EYS: variants seen among roughly 807,000 people sequenced by gnomAD.
EYS encodes protein eyes shut homolog.
A neutral mutation model predicts 282.1 loss-of-function variants in EYS; 250 were observed. That is an observed-to-expected ratio of 0.89 (90% confidence interval 0.80 to 0.98). EYS has a LOEUF of 0.98. Among genes scored for constraint, EYS ranks in the 50% least tolerant of loss-of-function variants. The probability of loss-of-function intolerance (pLI) is 0.00; values close to 1 mark genes in which losing one functional copy is unlikely to be tolerated. For synonymous variants in EYS, 1,355 were observed against 1,282.9 expected, an observed-to-expected ratio of 1.06 and a Z score of -1.20; for missense variants, 4,016 against 3,709.0, an observed-to-expected ratio of 1.08 and a Z score of -2.15.
intron 31 of EYS, among the ~76,000 whole-genome samples, chr6:64,179,114 C>A (rs1315352999): frequency 1.3e-5 from 2 of 151,978 alleles, no homozygotes; most frequent in African/African-American, 4.8e-5. Context: ...GAATGGAATG[C>A]ATATTATTTT....
chr6:65,302,233 A>T (rs1454376570), intron 11 of EYS, among the ~76,000 whole-genome samples: 7 of 152,158 alleles, frequency 4.6e-5, no homozygotes, highest in Admixed American at 4.6e-4. Context: ...TGTGGCTGAG[A>T]GGTTTTCTTG....
At chr6:64,951,523 A>G (rs1769508972) in intron 14 of EYS, among the ~76,000 whole-genome samples, 1 of 152,050 alleles carries the variant, frequency 6.6e-6, no homozygotes, top group Non-Finnish European at 1.5e-5. Flanking sequence ...ATGTCAAGAG[A>G]CAAACTGACA....
intron 5 of EYS, among the ~76,000 whole-genome samples, chr6:65,468,498 TTTAGTTAG>T (rs999920648): frequency 1.3e-5 from 2 of 152,004 alleles, no homozygotes; most frequent in East Asian, 3.9e-4. Flanking sequence ...TATTTATTTA[TTTAGTTAG>T]TTAGTTAGTT....
chr6:64,645,733 G>A (rs575938998), intron 22 of EYS, among the ~76,000 whole-genome samples: 2 of 152,082 alleles, frequency 1.3e-5, no homozygotes, highest in South Asian at 2.1e-4. Context: ...TTAGAATGCT[G>A]TCAGAAATAA....
At chr6:64,112,069 ACTTTT>A (rs988531874) in intron 31 of EYS, among the ~76,000 whole-genome samples, 2 of 152,054 alleles carry the variant, frequency 1.3e-5, no homozygotes, top group African/African-American at 4.8e-5. Context: ...CCCTTACATT[ACTTTT>A]CTTTCAGGCT....
At chr6:64,711,178 A>T (rs1771200794) in intron 22 of EYS, among the ~76,000 whole-genome samples, 1 of 152,260 alleles carries the variant, frequency 6.6e-6, no homozygotes, top group Non-Finnish European at 1.5e-5. Flanking sequence ...TTGCACCAAT[A>T]TTTGATTTAC....
chr6:64,574,541 T>C (rs991154259), intron 26 of EYS, among the ~76,000 whole-genome samples: 1 of 152,052 alleles, frequency 6.6e-6, no homozygotes, highest in African/African-American at 2.4e-5. Flanking sequence ...AGTCTCAGGG[T>C]AAGAAGATTT....
chr6:64,364,671 T>A (rs1167666066), intron 29 of EYS, among the ~76,000 whole-genome samples: 2 of 151,754 alleles, frequency 1.3e-5, no homozygotes, highest in African/African-American at 4.8e-5. Context: ...GAATTTATAT[T>A]GAAGAATGTT....
At chr6:64,904,631 TCTGGGAGG>T (rs2150072762) in intron 16 of EYS, among the ~76,000 whole-genome samples, 2 of 152,318 alleles carry the variant, frequency 1.3e-5, no homozygotes, top group African/African-American at 4.8e-5. Flanking sequence ...GTTAGTTTTC[TCTGGGAGG>T]CAGGGCATTT....
chr6:65,416,090 G>A (rs1261013321), intron 5 of EYS, among the ~76,000 whole-genome samples: 2 of 151,856 alleles, frequency 1.3e-5, no homozygotes, highest in African/African-American at 2.4e-5. Context: ...GGCATCACAA[G>A]GAGGAAATAA....
chr6:65,332,859 A>G (rs550710871), intron 11 of EYS, among the ~76,000 whole-genome samples: 49 of 151,398 alleles, frequency 3.2e-4, no homozygotes, highest in East Asian at 1.2e-3. Context: ...TCTTGAATCA[A>G]TTTCAGTAGT....
At chr6:64,533,029 T>C (rs1665031540) in intron 26 of EYS, among the ~76,000 whole-genome samples, 1 of 152,242 alleles carries the variant, frequency 6.6e-6, no homozygotes, top group Non-Finnish European at 1.5e-5. Flanking sequence ...ACTATAAAAT[T>C]AATTCTGATA....
chr6:64,673,104 A>G (rs1769523413), intron 22 of EYS, among the ~76,000 whole-genome samples: 1 of 152,156 alleles, frequency 6.6e-6, no homozygotes, highest in East Asian at 1.9e-4. Flanking sequence ...TTATAATTCA[A>G]AAAGTTGGAA....
At chr6:64,832,909 T>C (rs1562215632) in intron 19 of EYS, among the ~76,000 whole-genome samples, 2 of 151,954 alleles carry the variant, frequency 1.3e-5, no homozygotes, top group Non-Finnish European at 2.9e-5. Context: ...GGACATTCTT[T>C]AGTTCAAAGG....
chr6:63,944,243 G>A (rs942237830), intron 35 of EYS, among the ~76,000 whole-genome samples: 1 of 152,060 alleles, frequency 6.6e-6, no homozygotes, highest in African/African-American at 2.4e-5. Context: ...CAAAATATAA[G>A]GCAGTGCATC....
chr6:64,980,951 G>A (rs2150116501), intron 14 of EYS, among the ~76,000 whole-genome samples: 1 of 151,442 alleles, frequency 6.6e-6, no homozygotes, highest in East Asian at 1.9e-4. Context: ...GGAAGGTACT[G>A]CTCTCATTTT....
chr6:64,367,065 C>A (rs867051207), intron 29 of EYS, among the ~76,000 whole-genome samples: 1 of 151,982 alleles, frequency 6.6e-6, no homozygotes, highest in Non-Finnish European at 1.5e-5. Flanking sequence ...GAACAATGGT[C>A]GAATCCCAAG....
At chr6:65,181,326 T>C (rs994999557) in intron 12 of EYS, among the ~76,000 whole-genome samples, 3 of 151,914 alleles carry the variant, frequency 2.0e-5, no homozygotes, top group African/African-American at 7.3e-5. Context: ...AGGGCTAATA[T>C]CCAGAATCTA....
At chr6:64,318,360 T>A (rs115280217) in intron 29 of EYS, among the ~76,000 whole-genome samples, 3,542 of 152,120 alleles carry the variant, frequency 0.023, 110 homozygotes, top group African/African-American at 0.073. Flanking sequence ...CAGTGGATTA[T>A]CCATACTGTA....
Sources: gnomAD v4.1 joint callset for allele counts (sites outside exome capture counted in the v4.1 genomes callset) on GRCh38, gnomAD v4.1.1 for gene constraint, MANE v1.5 for transcripts, NCBI Gene and HGNC (gene_info 2026-07-23, HGNC 2026-07-21) for gene names.